TPH2: variants seen among roughly 807,000 people sequenced by gnomAD.
The protein encoded by TPH2 is tryptophan 5-hydroxylase 2.
Under a neutral mutation model 59.1 loss-of-function variants are expected in TPH2, and 27 were observed. That is an observed-to-expected ratio of 0.46 (90% CI 0.34 to 0.63). The LOEUF (loss-of-function observed/expected upper bound fraction) is 0.63, where lower values mean the gene tolerates loss of function less well. Among genes scored for constraint, TPH2 ranks in the 30% least tolerant of loss-of-function variants. TPH2 has a pLI of 0.01. For missense variants in TPH2, 523 were observed against 588.3 expected, an observed-to-expected ratio of 0.89 and a Z score of 1.15; for synonymous variants, 220 against 210.5, an observed-to-expected ratio of 1.05 and a Z score of -0.39.
intron 7 of TPH2, among the ~76,000 whole-genome samples, chr12:71,993,077 C>T (rs1872616580): frequency 6.6e-6 from 1 of 152,346 alleles, no homozygotes; most frequent in Non-Finnish European, 1.5e-5. Flanking sequence ...GTCCACTATT[C>T]TCAAGTGGCT....
intron 5 of TPH2, among the ~76,000 whole-genome samples, chr12:71,967,461 T>C (rs988245251): frequency 6.6e-6 from 1 of 152,258 alleles, no homozygotes. Flanking sequence ...CGCTGAACAC[T>C]GGTTCCATAT....
chr12:71,987,707 C>G (rs1379851100), intron 7 of TPH2, among the ~76,000 whole-genome samples: 1 of 152,058 alleles, frequency 6.6e-6, no homozygotes, highest in Admixed American at 6.6e-5. Context: ...AAAAAATTAG[C>G]CAGGGGTGGT....
chr12:71,942,144 A>G (rs1871087053), intron 2 of TPH2, among the ~76,000 whole-genome samples: 1 of 152,212 alleles, frequency 6.6e-6, no homozygotes. Flanking sequence ...ACTGAGATAC[A>G]TGAATATAGG....
chr12:71,985,692 T>C (rs1872413592), intron 7 of TPH2, among the ~76,000 whole-genome samples: 1 of 152,168 alleles, frequency 6.6e-6, no homozygotes, highest in African/African-American at 2.4e-5. Flanking sequence ...CCACTGTACC[T>C]GGCCTTGAAA....
At chr12:72,004,440 G>C (rs1296035077) in intron 8 of TPH2, among the ~76,000 whole-genome samples, 1 of 139,962 alleles carries the variant, frequency 7.1e-6, no homozygotes, top group Non-Finnish European at 1.5e-5. Flanking sequence ...CACCAAAGGA[G>C]GTGTGTTATT....
intron 5 of TPH2, chr12:71,961,593 C>A (rs1462072042): frequency 3.0e-6 from 4 of 1,352,098 alleles, no homozygotes; most frequent in Non-Finnish European, 3.9e-6. Flanking sequence ...CTGGGAATTT[C>A]AGCTCTTTTC....
chr12:71,998,878 A>C (rs1247965849), intron 8 of TPH2, among the ~76,000 whole-genome samples: 1 of 152,212 alleles, frequency 6.6e-6, no homozygotes, highest in African/African-American at 2.4e-5. Flanking sequence ...TATGCAGAAC[A>C]ATGAGACAGG....
At chr12:71,976,640 G>A (rs375649133) in intron 6 of TPH2, among the ~76,000 whole-genome samples, 2 of 152,118 alleles carry the variant, frequency 1.3e-5, no homozygotes, top group South Asian at 2.1e-4. Flanking sequence ...GATATTCACC[G>A]GGGAATAATC....
chr12:72,021,473 A>G (rs1397641882), intron 8 of TPH2, among the ~76,000 whole-genome samples: 2 of 149,162 alleles, frequency 1.3e-5, no homozygotes, highest in Admixed American at 1.3e-4. Context: ...TAACTTCATG[A>G]TGGTGTGAAA....
rs537532054 is a variant in TPH2 at position 72,022,640 on chromosome 12, C to T, written c.1164+146C>T. ...GATTTGGCACCTCGGATGTGGGTGC[C>T]GACCTCACTTTTCGCACTTGTGAAA... On this transcript the variant is annotated intron_variant, in intron 9 of 10. Coordinates refer to ENST00000333850, the MANE Select transcript of TPH2 (RefSeq NM_173353.4). 93 of 744,622 alleles carry T rather than the reference C, an allele frequency of 1.2e-4. No homozygotes were observed. In the African/African-American group the frequency reaches 1.3e-3, roughly 11 times the overall value. 46.1% of individuals were successfully genotyped at this position (744,622 alleles called of 1,614,324 possible).
chr12:71,997,628 C>T (rs1872726167), intron 8 of TPH2, among the ~76,000 whole-genome samples: 1 of 152,042 alleles, frequency 6.6e-6, no homozygotes, highest in Non-Finnish European at 1.5e-5. Flanking sequence ...CATGTTTCAC[C>T]ATCTCTTTTT....
intron 8 of TPH2, among the ~76,000 whole-genome samples, chr12:72,004,658 G>A (rs1265846056): frequency 1.3e-5 from 2 of 152,278 alleles, no homozygotes; most frequent in Middle Eastern, 3.4e-3. Flanking sequence ...AATGGAGTAG[G>A]CTCTCAAAAT....
At chr12:71,944,789 T>C (rs147929090) in intron 4 of TPH2, 103 bp downstream of exon 4, 1 of 1,042,672 alleles carries the variant, frequency 9.6e-7, no homozygotes, top group Admixed American at 1.8e-5. Flanking sequence ...TATAGAACAA[T>C]TTATTATTTA....
intron 5 of TPH2, among the ~76,000 whole-genome samples, chr12:71,958,624 G>A (rs978889777): frequency 6.6e-6 from 1 of 152,150 alleles, no homozygotes; most frequent in Non-Finnish European, 1.5e-5. Context: ...TCCATTCTGT[G>A]TGGTGATTTT....
In TPH2 at chr12:72,022,495, G is replaced by C. The variant is rs756893935; in HGVS notation, c.1164+1G>C. On this transcript the variant is annotated splice_donor_variant, in intron 9 of 10. Transcript: ENST00000333850. LOFTEE classifies it high-confidence loss of function. ...CCTTTCCTCCATTGGAGAATTAAAG[G>C]TATGAAGCTGTGAATGAAAATACCC... 6.2e-7 allele frequency: 1 copy of C among 1,606,288 alleles called. No individual in the cohort carries two copies. The highest frequency in any genetic ancestry group is 8.5e-7 in the Non-Finnish European group (1 of 1,172,954).
chr12:71,998,229 C>T (rs1872739516), intron 8 of TPH2, among the ~76,000 whole-genome samples: 1 of 152,172 alleles, frequency 6.6e-6, no homozygotes, highest in Admixed American at 6.6e-5. Flanking sequence ...CTCACTCTGA[C>T]TTTCTGTCTC....
intron 8 of TPH2, among the ~76,000 whole-genome samples, chr12:72,000,310 C>G (rs1219460964): frequency 6.6e-6 from 1 of 152,218 alleles, no homozygotes; most frequent in Non-Finnish European, 1.5e-5. Flanking sequence ...TGCAATTTGT[C>G]AGTCTTCACA....
In TPH2 at chr12:71,944,235, C is replaced by G. The variant is rs1021788145; in HGVS notation, c.256-59C>G. 1.6e-5 allele frequency: 25 copies of G among 1,580,962 alleles called. No homozygotes were observed. The African/African-American group carries it at 3.0e-4, about 19-fold the overall frequency. Reference sequence around the variant, plus strand: ...TTGCTTAAGATGTGAACAAGAAAAGCTCATGGCATTCCTTTTATTGTCCCT... The same window carrying G: ...TTGCTTAAGATGTGAACAAGAAAAGGTCATGGCATTCCTTTTATTGTCCCT... On this transcript the variant is annotated intron_variant, in intron 2 of 10. Coordinates refer to ENST00000333850, the MANE Select transcript of TPH2 (RefSeq NM_173353.4).
At position 71,961,872 on chromosome 12, in the gene TPH2, A is replaced by G; in HGVS notation, c.609-10647A>G. ...TGAGGCTCCTTAGGTGCAGTAGTTT[A>G]TTTTCATTACGTCTCTTGTAAAGGC... On this transcript the variant is annotated intron_variant, in intron 5 of 10. Coordinates refer to ENST00000333850, the MANE Select transcript of TPH2 (RefSeq NM_173353.4). 9.8e-6 allele frequency: 11 copies of G among 1,120,542 alleles called. No homozygotes were observed. In the South Asian group the frequency reaches 2.4e-4, roughly 25 times the overall value. 69.4% of individuals were successfully genotyped at this position (1,120,542 alleles called of 1,614,324 possible).
Sources: allele counts gnomAD v4.1 joint callset (sites outside exome capture counted in the v4.1 genomes callset), GRCh38; gene constraint gnomAD v4.1.1; transcripts MANE v1.5; gene names NCBI Gene and HGNC (gene_info 2026-07-23, HGNC 2026-07-21).